THBS4: variants seen among roughly 807,000 people sequenced by gnomAD.
THBS4 encodes the protein thrombospondin-4.
In THBS4, 90 loss-of-function variants were observed where a neutral mutation model predicts 115.7. That is an observed-to-expected ratio of 0.78 (90% CI 0.66 to 0.93). THBS4 has a LOEUF of 0.93. Among genes scored for constraint, THBS4 ranks in the 40% least tolerant of loss-of-function variants. The pLI, the probability that THBS4 is intolerant of heterozygous loss-of-function variation, is 0.00. For synonymous variants in THBS4, 460 were observed against 479.3 expected (o/e 0.96, Z 0.53); for missense variants, 1,087 against 1,232.7 (o/e 0.88, Z 1.77).
intron 2 of THBS4, among the ~76,000 whole-genome samples, chr5:80,017,938 T>C (rs904520359): frequency 5.3e-5 from 8 of 152,164 alleles, no homozygotes; most frequent in African/African-American, 1.9e-4. Context: ...GAAACACTGC[T>C]GTACCTCTAA....
At chr5:80,025,931 A>G (rs1226990320) in intron 2 of THBS4, among the ~76,000 whole-genome samples, 1 of 152,226 alleles carries the variant, frequency 6.6e-6, no homozygotes, top group East Asian at 1.9e-4. Context: ...CCCATACTCA[A>G]AAACTCTTCT....
At chr5:80,032,876 C>T (rs757282896), upstream of THBS4, among the ~76,000 whole-genome samples, 1 of 152,186 alleles carries the variant, frequency 6.6e-6, no homozygotes, top group Non-Finnish European at 1.5e-5. Flanking sequence ...ACACAGGAGC[C>T]ATACTTTACA....
At chr5:80,012,480 G>A (rs1016354599) in intron 2 of THBS4, among the ~76,000 whole-genome samples, 2 of 152,158 alleles carry the variant, frequency 1.3e-5, no homozygotes, top group Non-Finnish European at 2.9e-5. Context: ...CCAAACAGAG[G>A]GAGTAGGAGG....
At chr5:80,073,173 A>G in intron 14 of THBS4, 102 bp from the exon 15 acceptor site, 1 of 1,252,998 alleles carries the variant, frequency 8.0e-7, no homozygotes, top group Non-Finnish European at 1.2e-6. Context: ...TTCCAGAGAA[A>G]TAATTCCCCA....
intron 2 of THBS4, among the ~76,000 whole-genome samples, chr5:80,041,041 A>G (rs935947067): frequency 6.6e-6 from 1 of 152,206 alleles, no homozygotes; most frequent in Non-Finnish European, 1.5e-5. Flanking sequence ...ATCCAATCCC[A>G]TAATTCATAT....
At chr5:80,049,148 T>G (rs1351338473) in intron 2 of THBS4, among the ~76,000 whole-genome samples, 1 of 152,224 alleles carries the variant, frequency 6.6e-6, no homozygotes, top group African/African-American at 2.4e-5. Context: ...ATTCAACATA[T>G]CATAATATTT....
chr5:80,038,444 T>A (rs193179745), intron 1 of THBS4, among the ~76,000 whole-genome samples: 1 of 152,304 alleles, frequency 6.6e-6, no homozygotes, highest in East Asian at 1.9e-4. Context: ...GCCAGGGTTG[T>A]AATATAGAAC....
Position 80,006,749 on chromosome 5 carries a change from G to C in THBS4, n.177+8322G>C, listed in dbSNP as rs367855476. Among the ~76,000 whole-genome samples the C allele has an allele frequency of 9.2e-5, 14 of 152,260 alleles. No individual in the cohort carries two copies. In the East Asian group the frequency reaches 1.5e-3, roughly 17 times the overall value. On this transcript the variant is annotated intron_variant and non_coding_transcript_variant, in intron 2 of 3. Coordinates refer to the THBS4 transcript ENST00000510218. The stretch of plus-strand genomic sequence containing the variant: ...TTGCAAGAGCTGGTTTAGAATAAAG[G>C]GGGCAGGGTGGATGATGAAGGATTA...
At chr5:80,009,777 T>C (rs1216866770) in intron 2 of THBS4, among the ~76,000 whole-genome samples, 4 of 152,358 alleles carry the variant, frequency 2.6e-5, no homozygotes, top group African/African-American at 9.6e-5. Flanking sequence ...AAAAATTCTT[T>C]TGAATCATTC....
chr5:80,077,358 C>T (rs1743268197), intron 16 of THBS4, among the ~76,000 whole-genome samples: 1 of 152,228 alleles, frequency 6.6e-6, no homozygotes, highest in South Asian at 2.1e-4. Context: ...AGCTGCTCCA[C>T]CATCTTACCT....
At chr5:80,082,567 G>C in intron 21 of THBS4, 22 bp downstream of exon 21, 1 of 1,612,150 alleles carries the variant, frequency 6.2e-7, no homozygotes, top group Non-Finnish European at 8.5e-7. Context: ...TCTCGTTACT[G>C]TTCAACATTG....
upstream of THBS4, among the ~76,000 whole-genome samples, chr5:80,034,273 C>T (rs970790698): frequency 6.6e-6 from 1 of 152,086 alleles, no homozygotes; most frequent in African/African-American, 2.4e-5. Flanking sequence ...ATCTCCAAGT[C>T]GCTAGCTGTA....
In THBS4 at chr5:80,040,134, T is replaced by C. The variant is rs1249586147; in HGVS notation, c.146T>C (p.Val49Ala). ...CTAAACCCAGGCGCTCTGCTGCCAG[T>C]CCTGACAGACCCCGCCCTGAATGAT... ...QRLNPGALLP[V>A]LTDPALNDLY... The change falls in exon 2 of 22, where the codon GTC becomes GCC. Residue 49 changes from valine to alanine, a missense_variant. By Grantham distance (64) the Val-to-Ala change is moderately conservative. This residue lies in a region of THBS4 where 979 missense variants were observed against 1,103.7 expected (regional missense o/e 0.89). Coordinates refer to ENST00000350881, the MANE Select transcript of THBS4 (RefSeq NM_003248.6). 1 of 1,614,104 alleles carries C rather than the reference T, an allele frequency of 6.2e-7. No homozygotes were observed. Among genetic ancestry groups the C allele is most frequent in the Non-Finnish European group, 8.5e-7 (1 of 1,180,028 alleles).
Position 80,058,825 on chromosome 5 carries a change from G to A in THBS4, c.732+35G>A, listed in dbSNP as rs367675607. The A allele has an allele frequency of 8.8e-6, 14 of 1,590,186 alleles. No individual in the cohort carries two copies. The East Asian group carries it at 1.1e-4, about 13-fold the overall frequency. ...GGGACATATCATCAGAAAAGCCCTC[G>A]TCTTCTTAGAGCAGCTCCCCACAAG... On this transcript the variant is annotated intron_variant, in intron 5 of 21. Coordinates refer to ENST00000350881, the MANE Select transcript of THBS4 (RefSeq NM_003248.6).
rs568805329 is a variant in THBS4, at chr5:80,073,636, G to A, written c.1892+309G>A. 7.2e-5 allele frequency among the ~76,000 whole-genome samples: 11 copies of A among 152,166 alleles called. No homozygotes were observed. The South Asian group carries it at 8.3e-4, about 11-fold the overall frequency. On this transcript the variant is annotated intron_variant, in intron 15 of 21. Coordinates refer to ENST00000350881, the MANE Select transcript of THBS4 (RefSeq NM_003248.6). ...CCTGACCTTGTGATCTGCCCGCCTC[G>A]GCCTCCCAAAGTGCTGGGATTACAG...
intron 1 of THBS4, chr5:80,036,058 C>G (rs995827656): frequency 1.0e-6 from 1 of 991,586 alleles, no homozygotes; most frequent in African/African-American, 1.7e-5. Flanking sequence ...TCTTGACATC[C>G]CTGAGAAAGA....
rs753854829 is a variant in THBS4 at position 80,070,296 on chromosome 5, C to T, written c.1348-10C>T. On this transcript the variant is annotated splice_polypyrimidine_tract_variant and intron_variant, in intron 10 of 21. Coordinates refer to ENST00000350881, the MANE Select transcript of THBS4 (RefSeq NM_003248.6). ...GCTTCCCAGGCCTCTGATGGGCTTT[C>T]CCTTTACAGTGTGGAGTCGGTTGGG... 14 of 1,563,010 alleles carry T rather than the reference C, an allele frequency of 9.0e-6. No individual in the cohort carries two copies. Among genetic ancestry groups the T allele is most frequent in the Admixed American group, 1.9e-5 (1 of 51,362 alleles).
At chr5:79,995,260 A>G (rs542939347) in intron 1 of THBS4, among the ~76,000 whole-genome samples, 30 of 152,368 alleles carry the variant, frequency 2.0e-4, no homozygotes, top group African/African-American at 6.3e-4. Flanking sequence ...TTACATGGAC[A>G]TTATAAGAAG....
At chr5:80,082,828 T>A (rs1014569273) in intron 21 of THBS4, among the ~76,000 whole-genome samples, 1 of 152,254 alleles carries the variant, frequency 6.6e-6, no homozygotes. Flanking sequence ...TATTTTCATG[T>A]GGTTAAAACA....
Sources: allele counts gnomAD v4.1 joint callset (sites outside exome capture counted in the v4.1 genomes callset), GRCh38; gene constraint gnomAD v4.1.1; regional missense constraint gnomAD v4.1.1; transcripts MANE v1.5; gene names NCBI Gene and HGNC (gene_info 2026-07-23, HGNC 2026-07-21).